Variants in ELAPOR2 observed in about 807,000 individuals in gnomAD.
The protein encoded by ELAPOR2 is endosome/lysosome-associated apoptosis and autophagy regulator family member 2.
A neutral mutation model predicts 120.7 loss-of-function variants in ELAPOR2; 89 were observed. That is an observed-to-expected ratio of 0.74 (90% CI 0.62 to 0.88). The LOEUF (loss-of-function observed/expected upper bound fraction) is 0.88. ELAPOR2 is among the 40% of genes least tolerant of loss of function. The pLI, the probability that ELAPOR2 is intolerant of heterozygous loss-of-function variation, is 0.00. For synonymous variants in ELAPOR2, 444 were observed against 444.9 expected (o/e 1.00, Z 0.03); for missense variants, 1,134 against 1,251.6 (o/e 0.91, Z 1.42).
chr7:86,896,348 C>T (rs1293136654), intron 19 of ELAPOR2, among the ~76,000 whole-genome samples: 1 of 151,888 alleles, frequency 6.6e-6, no homozygotes, highest in East Asian at 1.9e-4. Context: ...GTTTCACTGC[C>T]GTTAAAGTTT....
intron 18 of ELAPOR2, among the ~76,000 whole-genome samples, chr7:86,899,788 G>C (rs930732241): frequency 2.6e-5 from 4 of 151,848 alleles, no homozygotes; most frequent in Non-Finnish European, 5.9e-5. Context: ...TCAGGGCTAA[G>C]AACAATGACA....
intron 1 of ELAPOR2, among the ~76,000 whole-genome samples, chr7:87,008,181 C>T (rs188585070): frequency 6.2e-4 from 95 of 152,312 alleles, no homozygotes; most frequent in Admixed American, 1.6e-3. Context: ...GGAAAGAATA[C>T]TACTGTGTTA....
intron 16 of ELAPOR2, among the ~76,000 whole-genome samples, chr7:86,909,136 A>T (rs1236247995): frequency 1.3e-5 from 2 of 151,970 alleles, no homozygotes; most frequent in Non-Finnish European, 2.9e-5. Flanking sequence ...CCCCCACCCC[A>T]GTAACTGACC....
At chr7:87,041,361 G>A (rs1294861074) in intron 1 of ELAPOR2, among the ~76,000 whole-genome samples, 2 of 152,142 alleles carry the variant, frequency 1.3e-5, no homozygotes, top group African/African-American at 4.8e-5. Flanking sequence ...GGCAGCCAGA[G>A]AGAAAGGTCT....
At chr7:86,992,064 TA>T (rs1194940093) in intron 1 of ELAPOR2, among the ~76,000 whole-genome samples, 1 of 152,178 alleles carries the variant, frequency 6.6e-6, no homozygotes, top group African/African-American at 2.4e-5. Context: ...TTCCAATGCA[TA>T]AATCAAAATA....
chr7:86,922,856 T>C (rs565952605), intron 10 of ELAPOR2, among the ~76,000 whole-genome samples: 3 of 152,038 alleles, frequency 2.0e-5, no homozygotes, highest in South Asian at 4.1e-4. Context: ...AAAAGAGTTA[T>C]TGAGTCAAAT....
rs116204983 is a variant in ELAPOR2, at chr7:87,016,588, T to C, written c.189+42737A>G. ...TTACAGGTAATGTTGCAATTGCTTT[T>C]ATCAATGATGTAAGAACTGACCATA... is the stretch of plus-strand genomic sequence containing the variant. On this transcript the variant is annotated intron_variant, in intron 1 of 21. Transcript: ENST00000450689. Among the ~76,000 whole-genome samples the C allele has an allele frequency of 4.6e-3, 704 of 151,510 alleles. 2 individuals carry two copies. The highest frequency in any genetic ancestry group is 0.031 in the Middle Eastern group (9 of 292).
intron 19 of ELAPOR2, among the ~76,000 whole-genome samples, chr7:86,895,299 G>A (rs1329080755): frequency 6.6e-6 from 1 of 152,040 alleles, no homozygotes; most frequent in Admixed American, 6.6e-5. Context: ...AGTGATCGAG[G>A]TGGCTATTCC....
chr7:86,989,339 G>C (rs1792862635), intron 1 of ELAPOR2, among the ~76,000 whole-genome samples: 1 of 152,180 alleles, frequency 6.6e-6, no homozygotes, highest in African/African-American at 2.4e-5. Flanking sequence ...CTTGCACATT[G>C]GCTTTTGTCT....
rs575410202 is a variant in ELAPOR2, at chr7:87,042,400, T to G, written c.189+16925A>C. On this transcript the variant is annotated intron_variant, in intron 1 of 21. Transcript: ENST00000450689. ...AGCAAATGTAAAAGAACAGAAATTA[T>G]AACAAACTATCTCTCAGACCACAGT... 6.0e-4 allele frequency among the ~76,000 whole-genome samples: 91 copies of G among 150,968 alleles called. 1 individual carries two copies. The highest frequency in any genetic ancestry group is 7.7e-4 in the Non-Finnish European group (52 of 67,952).
chr7:86,944,959 C>G lies in ELAPOR2; in HGVS notation c.594G>C (p.Lys198Asn). ...GGTACTCAAAGAAGACATAGCCTGA[C>G]TTCTTAAGGTGCACAGCATAGATCA... is the stretch of plus-strand genomic sequence containing the variant. ...VSLIYAVHLK[K>N]SGYVFFEYQY... The change falls in exon 4 of 22, where the codon AAG (lysine) becomes AAC (asparagine). Residue 198 changes from lysine (K) to asparagine (N), a missense_variant. Physicochemically the swap from Lys to Asn is moderately conservative, Grantham distance 94. Coordinates refer to ENST00000450689, the MANE Select transcript of ELAPOR2 (RefSeq NM_001142749.3). The G allele has an allele frequency of 9.7e-6, 15 of 1,550,922 alleles. No individual in the cohort carries two copies. The highest frequency in any genetic ancestry group is 1.2e-5 in the Non-Finnish European group (14 of 1,146,606).
At chr7:86,981,169 G>A (rs1268776145) in intron 1 of ELAPOR2, among the ~76,000 whole-genome samples, 3 of 152,156 alleles carry the variant, frequency 2.0e-5, no homozygotes, top group Non-Finnish European at 4.4e-5. Flanking sequence ...TCACACTTCT[G>A]TTGTCGGTTC....
At chr7:86,977,777 A>G (rs1307959498) in intron 1 of ELAPOR2, among the ~76,000 whole-genome samples, 1 of 152,216 alleles carries the variant, frequency 6.6e-6, no homozygotes, top group Non-Finnish European at 1.5e-5. Context: ...ACCTATCATA[A>G]TATCATCAAC....
At chr7:86,954,563 A>G (rs1463171674) in intron 2 of ELAPOR2, among the ~76,000 whole-genome samples, 1 of 152,176 alleles carries the variant, frequency 6.6e-6, no homozygotes, top group African/African-American at 2.4e-5. Context: ...GATGTTAATG[A>G]TATAGTGAAC....
At chr7:86,977,375 T>C (rs1451099269) in intron 1 of ELAPOR2, among the ~76,000 whole-genome samples, 1 of 152,192 alleles carries the variant, frequency 6.6e-6, no homozygotes, top group Non-Finnish European at 1.5e-5. Flanking sequence ...AAAAACTTCA[T>C]AAACAGAAAT....
intron 1 of ELAPOR2, among the ~76,000 whole-genome samples, chr7:87,018,363 T>C (rs562741204): frequency 6.6e-6 from 1 of 152,106 alleles, no homozygotes; most frequent in South Asian, 2.1e-4. Flanking sequence ...TAATTCTATA[T>C]TTAATGAGAG....
chr7:87,036,886 A>G (rs1257325628), intron 1 of ELAPOR2, among the ~76,000 whole-genome samples: 2 of 152,180 alleles, frequency 1.3e-5, no homozygotes, highest in African/African-American at 4.8e-5. Flanking sequence ...GCATCATACA[A>G]TATGCCCAGA....
At chr7:87,002,330 G>A (rs1793343986) in intron 1 of ELAPOR2, among the ~76,000 whole-genome samples, 1 of 152,144 alleles carries the variant, frequency 6.6e-6, no homozygotes, top group Non-Finnish European at 1.5e-5. Flanking sequence ...GGAGAGCAAG[G>A]AGAAAGCAAT....
rs1457353485 is a variant in ELAPOR2 at position 86,878,040 on chromosome 7, A to G, written c.*2431T>C. On this transcript the variant is annotated 3_prime_UTR_variant, in exon 22 of 22. Coordinates refer to ENST00000450689, the MANE Select transcript of ELAPOR2 (RefSeq NM_001142749.3). ...CGAGTGCTAAGAGATGTTATAGGCA[A>G]CAGTTGACTTAATGAAGTAGTTAAG... 6.6e-6 allele frequency: 1 copy of G among 152,214 alleles called. No homozygotes were observed. The highest frequency in any genetic ancestry group is 1.5e-5 in the Non-Finnish European group (1 of 68,030). 9.4% of individuals were successfully genotyped at this position (152,214 alleles called of 1,614,324 possible).
Sources: allele counts gnomAD v4.1 joint callset (sites outside exome capture counted in the v4.1 genomes callset), GRCh38; gene constraint gnomAD v4.1.1; transcripts MANE v1.5; gene names NCBI Gene and HGNC (gene_info 2026-07-23, HGNC 2026-07-21).